The following GMDS variants were observed in gnomAD, a reference collection of about 807,000 sequenced individuals.
GMDS encodes GDP-mannose 4,6-dehydratase, also known as GDP-mannose 4,6 dehydratase.
A neutral mutation model predicts 49.9 loss-of-function variants in GMDS; 20 were observed. The observed-to-expected ratio is 0.40, with a 90% CI of 0.28 to 0.58. GMDS has a LOEUF of 0.58. Among genes scored for constraint, GMDS ranks in the 20% least tolerant of loss-of-function variants. The probability of loss-of-function intolerance (pLI) is 0.42; values close to 1 mark genes in which losing one functional copy is unlikely to be tolerated. For synonymous variants in GMDS, 177 were observed against 178.6 expected (o/e 0.99, Z 0.07); for missense variants, 362 against 481.4 (o/e 0.75, Z 2.32).
chr6:1,666,795 C>A (rs781359685), intron 9 of GMDS, among the ~76,000 whole-genome samples: 8 of 152,266 alleles, frequency 5.3e-5, no homozygotes, highest in South Asian at 2.1e-4. Flanking sequence ...TCCTTCTAAG[C>A]GGAACGATAG....
intron 4 of GMDS, among the ~76,000 whole-genome samples, chr6:2,071,137 G>A (rs1771966271): frequency 6.6e-6 from 1 of 152,138 alleles, no homozygotes; most frequent in Admixed American, 6.5e-5. Context: ...TTGCCACCAA[G>A]CATTCCCTAC....
intron 9 of GMDS, among the ~76,000 whole-genome samples, chr6:1,670,372 T>G (rs1019039712): frequency 1.1e-4 from 13 of 113,794 alleles, no homozygotes; most frequent in Admixed American, 2.6e-4. Context: ...TTTTTTTGGT[T>G]TTTTTTTTTT....
At chr6:1,952,157 TA>T (rs1763372493) in intron 6 of GMDS, 1 of 201,274 alleles carries the variant, frequency 5.0e-6, no homozygotes, top group Non-Finnish European at 8.9e-6. Flanking sequence ...AAAGAAGCTT[TA>T]AATTCCTATT....
intron 7 of GMDS, among the ~76,000 whole-genome samples, chr6:1,830,835 A>G (rs550558840): frequency 5.3e-5 from 8 of 152,350 alleles, no homozygotes; most frequent in Middle Eastern, 3.4e-3. Flanking sequence ...GATAAGAAAT[A>G]TATATAACTC....
At chr6:1,852,094 C>A (rs531792434) in intron 7 of GMDS, among the ~76,000 whole-genome samples, 1 of 152,222 alleles carries the variant, frequency 6.6e-6, no homozygotes, top group Admixed American at 6.5e-5. Context: ...TGGGCCATAG[C>A]GGAGGCTCTG....
intron 7 of GMDS, among the ~76,000 whole-genome samples, chr6:1,819,784 T>A (rs1414391620): frequency 3.4e-5 from 5 of 145,748 alleles, no homozygotes; most frequent in South Asian, 2.1e-4. Context: ...AAAATATATA[T>A]ATATATATAT....
At chr6:1,654,940 A>G (rs1054123929) in intron 9 of GMDS, among the ~76,000 whole-genome samples, 1 of 151,982 alleles carries the variant, frequency 6.6e-6, no homozygotes, top group East Asian at 1.9e-4. Flanking sequence ...GCGCACTTGT[A>G]GTACCAGCTA....
At chr6:1,741,927 CT>C (rs111296284) in intron 8 of GMDS, among the ~76,000 whole-genome samples, 88,101 of 142,810 alleles carry the variant, frequency 0.62, 27,511 homozygotes, top group African/African-American at 0.78. Flanking sequence ...AAACATCTTT[CT>C]TTTTTTTTTT....
At chr6:1,892,429 G>T (rs752769726) in intron 7 of GMDS, among the ~76,000 whole-genome samples, 63 of 152,108 alleles carry the variant, frequency 4.1e-4, no homozygotes, top group Middle Eastern at 6.8e-3. Flanking sequence ...GTATGATCTT[G>T]GCTCACTGCA....
At chr6:1,689,059 G>A (rs1581461764) in intron 9 of GMDS, among the ~76,000 whole-genome samples, 1 of 152,150 alleles carries the variant, frequency 6.6e-6, no homozygotes, top group African/African-American at 2.4e-5. Context: ...TAACCTTTGG[G>A]CCATAATAAG....
chr6:2,011,634 C>G (rs985669092), intron 4 of GMDS, among the ~76,000 whole-genome samples: 2 of 152,094 alleles, frequency 1.3e-5, no homozygotes, highest in African/African-American at 2.4e-5. Context: ...AAAATCAGGG[C>G]CGGGTACGGT....
chr6:1,942,614 C>T (rs961374423), intron 6 of GMDS, among the ~76,000 whole-genome samples: 6 of 152,130 alleles, frequency 3.9e-5, no homozygotes, highest in African/African-American at 2.4e-5. Flanking sequence ...GGCAGTGATC[C>T]TAGTTCTAGT....
intron 4 of GMDS, among the ~76,000 whole-genome samples, chr6:2,023,534 C>A: frequency 6.6e-6 from 1 of 152,304 alleles, no homozygotes; most frequent in South Asian, 2.1e-4. Context: ...AGAGATGTGA[C>A]ACACAGGAGC....
chr6:1,827,323 G>A (rs773934859), intron 7 of GMDS, among the ~76,000 whole-genome samples: 10 of 150,932 alleles, frequency 6.6e-5, no homozygotes, highest in East Asian at 2.0e-4. Flanking sequence ...ATATACACAC[G>A]TTTTAGAAAA....
At chr6:2,108,638 CA>C (rs1774371839) in intron 4 of GMDS, among the ~76,000 whole-genome samples, 1 of 152,080 alleles carries the variant, frequency 6.6e-6, no homozygotes, top group Non-Finnish European at 1.5e-5. Context: ...TCAAATGCAC[CA>C]AAACTTCATT....
intron 7 of GMDS, among the ~76,000 whole-genome samples, chr6:1,744,321 A>T (rs1161329678): frequency 6.6e-6 from 1 of 152,154 alleles, no homozygotes; most frequent in African/African-American, 2.4e-5. Flanking sequence ...GATATTCTAT[A>T]AAGTAACTGA....
chr6:2,016,086 T>TTA (rs1491521267), intron 4 of GMDS, among the ~76,000 whole-genome samples: 8 of 56,426 alleles, frequency 1.4e-4, no homozygotes, highest in Non-Finnish European at 2.3e-4. Flanking sequence ...AAAAAATAAA[T>TTA]TAAAAAAAAA....
chr6:1,945,823 G>A (rs1763052900), intron 6 of GMDS, among the ~76,000 whole-genome samples: 1 of 152,202 alleles, frequency 6.6e-6, no homozygotes, highest in Admixed American at 6.5e-5. Flanking sequence ...GAGAATCACA[G>A]AAAAGCGGAC....
chr6:1,930,367 A>C lies in GMDS; in HGVS notation c.644-137T>G, dbSNP rs1294145400. ...AGCCACCCTGTTAAAACAATAAAAG[A>C]AAAGAAAAAGAGAAAAGATCATTAA... is the stretch of plus-strand genomic sequence containing the variant. On this transcript the variant is annotated intron_variant, in intron 6 of 10. Coordinates refer to ENST00000380815, the MANE Select transcript of GMDS (RefSeq NM_001500.4). 5 of 597,976 alleles carry C rather than the reference A, an allele frequency of 8.4e-6. No homozygotes were observed. In the Admixed American group the frequency reaches 1.6e-4, roughly 19 times the overall value. The allele number at this position is 597,976 out of a possible 1,614,324, so 37.0% of individuals were successfully genotyped here.
Sources: allele counts gnomAD v4.1 joint callset (sites outside exome capture counted in the v4.1 genomes callset), GRCh38; gene constraint gnomAD v4.1.1; transcripts MANE v1.5; gene names NCBI Gene and HGNC (gene_info 2026-07-23, HGNC 2026-07-21).